The following TRDN variants were observed in gnomAD, a reference collection of about 807,000 sequenced individuals.
TRDN encodes the protein triadin in skeletal muscle.
A neutral mutation model predicts 149.7 loss-of-function variants in TRDN; 161 were observed. The observed-to-expected ratio is 1.08, with a 90% CI of 0.95 to 1.23. The LOEUF (loss-of-function observed/expected upper bound fraction) is 1.23, where lower values mean the gene tolerates loss of function less well. Among genes scored for constraint, TRDN ranks in the 50% most tolerant of loss-of-function variants. TRDN has a pLI of 0.00. For synonymous variants in TRDN, 294 were observed against 250.5 expected (o/e 1.17, Z -1.64); for missense variants, 896 against 823.5 (o/e 1.09, Z -1.08).
intron 1 of TRDN, among the ~76,000 whole-genome samples, chr6:123,615,552 A>G (rs957374869): frequency 2.6e-5 from 4 of 152,066 alleles, no homozygotes; most frequent in African/African-American, 9.7e-5. Context: ...ACACACACAC[A>G]CACACACAAT....
chr6:123,459,927 TA>T (rs1389471639), intron 10 of TRDN, among the ~76,000 whole-genome samples: 1 of 152,212 alleles, frequency 6.6e-6, no homozygotes, highest in Non-Finnish European at 1.5e-5. Context: ...TAAAATGACA[TA>T]AATCATATTC....
At chr6:123,337,709 A>G in intron 21 of TRDN, 40 bp from the exon 22 acceptor site, 1 of 1,255,210 alleles carries the variant, frequency 8.0e-7, no homozygotes, top group Non-Finnish European at 1.1e-6. Context: ...TACAAGGAAT[A>G]AGAGAGGAAA....
chr6:123,565,982 C>T (rs1316534744), intron 2 of TRDN, among the ~76,000 whole-genome samples: 1 of 152,224 alleles, frequency 6.6e-6, no homozygotes, highest in Non-Finnish European at 1.5e-5. Context: ...CCACTCAACA[C>T]CAGATGCATT....
intron 5 of TRDN, among the ~76,000 whole-genome samples, chr6:123,519,356 C>T (rs1377925234): frequency 1.3e-5 from 2 of 152,052 alleles, no homozygotes; most frequent in Admixed American, 6.6e-5. Flanking sequence ...CCATCTGGCC[C>T]CTTTCCAGCC....
chr6:123,451,860 C>T (rs1775797149), intron 10 of TRDN, among the ~76,000 whole-genome samples: 1 of 152,128 alleles, frequency 6.6e-6, no homozygotes, highest in Admixed American at 6.6e-5. Flanking sequence ...AAAATACTAG[C>T]TAACGGAATC....
intron 1 of TRDN, among the ~76,000 whole-genome samples, chr6:123,583,434 G>A (rs568980923): frequency 6.6e-6 from 1 of 152,092 alleles, no homozygotes; most frequent in Non-Finnish European, 1.5e-5. Flanking sequence ...TTCTGAGAAG[G>A]GAAAGTCATA....
intron 38 of TRDN, among the ~76,000 whole-genome samples, chr6:123,230,442 C>T (rs556221103): frequency 2.0e-5 from 3 of 151,528 alleles, no homozygotes; most frequent in Non-Finnish European, 4.4e-5. Flanking sequence ...ATGTAAATGA[C>T]GAGTTAGTGG....
intron 1 of TRDN, among the ~76,000 whole-genome samples, chr6:123,584,284 A>T (rs1783303817): frequency 6.6e-6 from 1 of 152,166 alleles, no homozygotes; most frequent in Non-Finnish European, 1.5e-5. Context: ...TGAGGAAGAA[A>T]ATAGATTTTG....
At chr6:123,628,030 C>A (rs1318222106) in intron 1 of TRDN, among the ~76,000 whole-genome samples, 1 of 152,162 alleles carries the variant, frequency 6.6e-6, no homozygotes, top group African/African-American at 2.4e-5. Flanking sequence ...AAAACTTTCT[C>A]CACATCAGCA....
intron 5 of TRDN, among the ~76,000 whole-genome samples, chr6:123,524,022 A>G (rs927659152): frequency 1.3e-5 from 2 of 152,186 alleles, no homozygotes; most frequent in Admixed American, 1.3e-4. Flanking sequence ...TAGGGCAGCT[A>G]GGCCCAAACC....
intron 35 of TRDN, 24 bp from the exon 36 acceptor site, chr6:123,255,926 G>C (rs1776540223): frequency 8.1e-7 from 1 of 1,231,056 alleles, no homozygotes; most frequent in African/African-American, 1.6e-5. Context: ...ACAGTAACAG[G>C]GTAATTTATT....
At chr6:123,362,894 T>C (rs1005056411) in intron 20 of TRDN, among the ~76,000 whole-genome samples, 7 of 152,132 alleles carry the variant, frequency 4.6e-5, no homozygotes, top group African/African-American at 9.6e-5. Flanking sequence ...TGAGTAAATA[T>C]GAAAATGATT....
chr6:123,562,414 T>C (rs1278661239), intron 2 of TRDN, among the ~76,000 whole-genome samples: 1 of 152,166 alleles, frequency 6.6e-6, no homozygotes, highest in Admixed American at 6.5e-5. Context: ...GGCAGAGCCC[T>C]CACAAACAGA....
rs545755520 is a variant in TRDN, at chr6:123,628,123, A to T, written c.22+8631T>A. On this transcript the variant is annotated intron_variant, in intron 1 of 40. Coordinates refer to ENST00000334268, the MANE Select transcript of TRDN (RefSeq NM_006073.4). The stretch of plus-strand genomic sequence containing the variant: ...CAAGAACTTTTCCTTTGCATTCACA[A>T]CTTGGCTGTTTGGTGCAAGAGGCCT... Among the ~76,000 whole-genome samples the T allele has an allele frequency of 5.3e-5, 8 of 152,248 alleles. No individual in the cohort carries two copies. In the South Asian group the frequency reaches 1.7e-3, roughly 32 times the overall value.
At chr6:123,425,177 A>G (rs188983841) in intron 12 of TRDN, among the ~76,000 whole-genome samples, 92 of 151,700 alleles carry the variant, frequency 6.1e-4, no homozygotes, top group African/African-American at 2.1e-3. Context: ...AAAAGGGTGT[A>G]GTAATCTTCT....
intron 5 of TRDN, among the ~76,000 whole-genome samples, chr6:123,527,066 G>A (rs1430744966): frequency 6.6e-6 from 1 of 151,844 alleles, no homozygotes; most frequent in Admixed American, 6.6e-5. Context: ...CTTGCCCAAG[G>A]ACACATAGCC....
At chr6:123,418,948 A>T (rs149290131) in intron 12 of TRDN, among the ~76,000 whole-genome samples, 263 of 152,170 alleles carry the variant, frequency 1.7e-3, no homozygotes, top group African/African-American at 6.0e-3. Flanking sequence ...CACCAGGACG[A>T]CTGAATCATA....
chr6:123,316,018 C>A (rs942015544), intron 24 of TRDN, among the ~76,000 whole-genome samples: 1 of 151,876 alleles, frequency 6.6e-6, no homozygotes, highest in Non-Finnish European at 1.5e-5. Flanking sequence ...ATGTGGGACT[C>A]CTTTTTTGGA....
At chr6:123,427,345 TAAC>T (rs1011276376) in intron 12 of TRDN, among the ~76,000 whole-genome samples, 12 of 151,802 alleles carry the variant, frequency 7.9e-5, no homozygotes, top group African/African-American at 2.9e-4. Context: ...AATACAATGA[TAAC>T]AATAATAATA....
Sources: gnomAD v4.1 joint callset for allele counts (sites outside exome capture counted in the v4.1 genomes callset) on GRCh38, gnomAD v4.1.1 for gene constraint, MANE v1.5 for transcripts, NCBI Gene and HGNC (gene_info 2026-07-23, HGNC 2026-07-21) for gene names.